LDLRAD3: variants seen among roughly 807,000 people sequenced by gnomAD.
LDLRAD3 encodes low density lipoprotein receptor class A domain containing 3.
LDLRAD3 carries 20 observed loss-of-function variants against 29.4 expected under a neutral mutation model. That is an observed-to-expected ratio of 0.68 (90% CI 0.48 to 0.99). The LOEUF (loss-of-function observed/expected upper bound fraction) is 0.99. Ranked by LOEUF, LDLRAD3 falls within the 50% of genes least tolerant of loss-of-function variation. The pLI, the probability that LDLRAD3 is intolerant of heterozygous loss-of-function variation, is 0.00. For missense variants in LDLRAD3, 420 were observed against 454.3 expected (o/e 0.92, Z 0.69); for synonymous variants, 157 against 192.7 (o/e 0.81, Z 1.53).
chr11:36,186,432 G>C (rs1285244899), intron 4 of LDLRAD3, among the ~76,000 whole-genome samples: 1 of 152,142 alleles, frequency 6.6e-6, no homozygotes, highest in African/African-American at 2.4e-5. Flanking sequence ...CATTTTGAAA[G>C]GGGAAATTGA....
At chr11:36,204,023 A>AAG (rs1554973525) in intron 4 of LDLRAD3, among the ~76,000 whole-genome samples, 1 of 151,762 alleles carries the variant, frequency 6.6e-6, no homozygotes, top group Non-Finnish European at 1.5e-5. Flanking sequence ...TTAAAAAAAA[A>AAG]AAAATCCATC....
At chr11:36,002,668 G>A (rs1363955479) in intron 1 of LDLRAD3, among the ~76,000 whole-genome samples, 1 of 152,192 alleles carries the variant, frequency 6.6e-6, no homozygotes, top group African/African-American at 2.4e-5. Context: ...GACAGTGAGT[G>A]TCATCGAACT....
rs373884197 is a variant in LDLRAD3, at chr11:36,178,488, T to C, written c.455-48597T>C. Among the ~76,000 whole-genome samples, 13 of 152,334 alleles carry C rather than the reference T, an allele frequency of 8.5e-5. No individual in the cohort carries two copies. In the South Asian group the frequency reaches 2.5e-3, roughly 29 times the overall value. On this transcript the variant is annotated intron_variant, in intron 4 of 5. Transcript: ENST00000315571. ...TGTCATATTTGTTTTTCTCAGTTGT[T>C]ACCTCTCCCACTCAAACCCCTTCCA...
intron 1 of LDLRAD3, among the ~76,000 whole-genome samples, chr11:35,991,399 C>T (rs1851687232): frequency 6.6e-6 from 1 of 152,144 alleles, no homozygotes; most frequent in Admixed American, 6.5e-5. Context: ...AAATGTCTTA[C>T]CTCCATATAT....
At chr11:36,163,924 T>C (rs576080440) in intron 4 of LDLRAD3, among the ~76,000 whole-genome samples, 47 of 152,346 alleles carry the variant, frequency 3.1e-4, no homozygotes, top group African/African-American at 1.1e-3. Context: ...CCCGTTTTCA[T>C]CTTTGTCCCT....
intron 4 of LDLRAD3, among the ~76,000 whole-genome samples, chr11:36,215,772 A>G (rs1855344590): frequency 6.6e-6 from 1 of 152,194 alleles, no homozygotes; most frequent in Non-Finnish European, 1.5e-5. Flanking sequence ...ATTCTGTATC[A>G]GCCCGTTCCC....
rs118080428 is a variant in LDLRAD3, at chr11:35,961,339, C to T, written c.46+17195C>T. On this transcript the variant is annotated intron_variant, in intron 1 of 5. Coordinates refer to ENST00000315571, the MANE Select transcript of LDLRAD3 (RefSeq NM_174902.4). ...CTGGAGGTGTGGGAGAGTGATGGTT[C>T]AGAAGGCAGGCTCTTGAACCAAACA... Among the ~76,000 whole-genome samples the T allele has an allele frequency of 3.8e-3, 582 of 152,328 alleles. 3 individuals carry two copies. Among genetic ancestry groups the T allele is most frequent in the Non-Finnish European group, 6.3e-3 (431 of 68,026 alleles).
At chr11:36,110,622 G>A (rs1565230079) in intron 4 of LDLRAD3, among the ~76,000 whole-genome samples, 1 of 152,116 alleles carries the variant, frequency 6.6e-6, no homozygotes, top group Non-Finnish European at 1.5e-5. Flanking sequence ...GACTCTCTTG[G>A]GTCTTTCTAA....
Position 36,230,714 on chromosome 11 carries a change from G to GTA in LDLRAD3, c.*1320_*1321dup, listed in dbSNP as rs2133397468. ...TCTAGTTAAGGGACTATTTATATGTGTATAGGAAAGCTGTCTCTTTTTTTG... is the reference window on the plus strand; with the variant it reads ...TCTAGTTAAGGGACTATTTATATGTGTATATAGGAAAGCTGTCTCTTTTTTTG... On this transcript the variant is annotated 3_prime_UTR_variant, in exon 6 of 6. Coordinates refer to ENST00000315571, the MANE Select transcript of LDLRAD3 (RefSeq NM_174902.4). 6.5e-6 allele frequency: 1 copy of GTA among 152,752 alleles called. No individual in the cohort carries two copies. The highest frequency in any genetic ancestry group is 1.9e-4 in the East Asian group (1 of 5,182). The allele number at this position is 152,752 out of a possible 1,614,324, so 9.5% of individuals were successfully genotyped here.
intron 1 of LDLRAD3, among the ~76,000 whole-genome samples, chr11:35,961,918 T>C (rs1851282625): frequency 6.6e-6 from 1 of 152,110 alleles, no homozygotes; most frequent in Non-Finnish European, 1.5e-5. Flanking sequence ...CTCTTTTAGT[T>C]ATTTTAAAAT....
intron 4 of LDLRAD3, among the ~76,000 whole-genome samples, chr11:36,144,869 C>T (rs1220600357): frequency 2.1e-5 from 2 of 95,028 alleles, no homozygotes; most frequent in Non-Finnish European, 4.8e-5. Context: ...GTCAGCCCCC[C>T]GCCCGGCCAG....
intron 4 of LDLRAD3, among the ~76,000 whole-genome samples, chr11:36,160,864 G>A (rs1402958517): frequency 7.2e-6 from 1 of 138,182 alleles, no homozygotes; most frequent in Non-Finnish European, 1.6e-5. Flanking sequence ...GCGCAATCTG[G>A]GCTCACTGCA....
intron 2 of LDLRAD3, among the ~76,000 whole-genome samples, chr11:36,065,761 A>G (rs900564098): frequency 6.6e-6 from 1 of 152,166 alleles, no homozygotes; most frequent in Non-Finnish European, 1.5e-5. Flanking sequence ...ACAGTGGCTT[A>G]TCTTCACATT....
chr11:36,108,206 G>A (rs573294869), intron 4 of LDLRAD3, among the ~76,000 whole-genome samples: 1 of 150,742 alleles, frequency 6.6e-6, no homozygotes, highest in Non-Finnish European at 1.5e-5. Flanking sequence ...TGTAGTCCCA[G>A]CTACTCTGGA....
At chr11:36,028,827 A>G (rs1422141357) in intron 1 of LDLRAD3, among the ~76,000 whole-genome samples, 1 of 152,034 alleles carries the variant, frequency 6.6e-6, no homozygotes, top group Non-Finnish European at 1.5e-5. Flanking sequence ...TGAAATATTT[A>G]CTCTGGCCAT....
At chr11:36,122,786 T>C (rs745835116) in intron 4 of LDLRAD3, among the ~76,000 whole-genome samples, 1 of 152,086 alleles carries the variant, frequency 6.6e-6, no homozygotes, top group Non-Finnish European at 1.5e-5. Context: ...TGGGAGGGCA[T>C]GGCAGAAGGA....
chr11:36,108,271 G>C lies in LDLRAD3; in HGVS notation c.454+9810G>C, dbSNP rs547227636. Among the ~76,000 whole-genome samples the C allele has an allele frequency of 1.6e-4, 20 of 121,402 alleles. No individual in the cohort carries two copies. The South Asian group carries it at 5.7e-3, about 34-fold the overall frequency. 79.6% of individuals were successfully genotyped at this position (121,402 alleles called of 152,430 possible). A position where few individuals can be genotyped will look rare whatever the true frequency, so the allele number is the denominator to read the frequency against. On this transcript the variant is annotated intron_variant, in intron 4 of 5. Coordinates refer to ENST00000315571, the MANE Select transcript of LDLRAD3 (RefSeq NM_174902.4). The stretch of plus-strand genomic sequence containing the variant: ...GGAGGCAGAGCTTCCAGTGAGCCGA[G>C]ATCGCGCCATTGCACTCCAGCCTGG...
intron 1 of LDLRAD3, among the ~76,000 whole-genome samples, chr11:35,946,361 T>TA (rs1343945989): frequency 6.6e-6 from 1 of 151,618 alleles, no homozygotes; most frequent in Non-Finnish European, 1.5e-5. Context: ...GAACCGTAGT[T>TA]AGAGTCCTGA....
chr11:36,016,264 TGC>T, intron 1 of LDLRAD3, among the ~76,000 whole-genome samples: 2 of 152,230 alleles, frequency 1.3e-5, no homozygotes, highest in African/African-American at 4.8e-5. Context: ...TCATTTTCTA[TGC>T]TAACTCATTA....
Sources: gnomAD v4.1 joint callset for allele counts (sites outside exome capture counted in the v4.1 genomes callset) on GRCh38, gnomAD v4.1.1 for gene constraint, MANE v1.5 for transcripts, NCBI Gene and HGNC (gene_info 2026-07-23, HGNC 2026-07-21) for gene names.